XYLT1: variants seen among roughly 807,000 people sequenced by gnomAD.
XYLT1 encodes xylosyltransferase 1, also known as beta-D-xylosyltransferase 1.
Under a neutral mutation model 91.3 loss-of-function variants are expected in XYLT1, and 36 were observed. That is an observed-to-expected ratio of 0.39 (90% CI 0.30 to 0.52). XYLT1 has a LOEUF of 0.52. XYLT1 is among the 20% of genes least tolerant of loss of function. The pLI, the probability that XYLT1 is intolerant of heterozygous loss-of-function variation, is 0.68. For synonymous variants in XYLT1, 588 were observed against 532.0 expected, an observed-to-expected ratio of 1.11 and a Z score of -1.45; for missense variants, 1,242 against 1,284.5, an observed-to-expected ratio of 0.97 and a Z score of 0.51.
At chr16:17,158,632 C>A (rs2031473711) in intron 6 of XYLT1, among the ~76,000 whole-genome samples, 197 bp downstream of exon 6, 1 of 152,172 alleles carries the variant, frequency 6.6e-6, no homozygotes, top group African/African-American at 2.4e-5. Flanking sequence ...TGAGAAACAT[C>A]TATGGTTATC....
chr16:17,192,092 CTTTT>C (rs550488299), intron 5 of XYLT1, among the ~76,000 whole-genome samples: 3 of 126,786 alleles, frequency 2.4e-5, no homozygotes, highest in Non-Finnish European at 3.3e-5. Flanking sequence ...CTCTCTCTCT[CTTTT>C]TTTTTTTTTT....
intron 3 of XYLT1, chr16:17,249,530 G>A (rs927146435): frequency 1.3e-5 from 2 of 152,206 alleles, no homozygotes; most frequent in Admixed American, 6.5e-5. Flanking sequence ...ATGAATAAAG[G>A]AATTCAGCAT....
At chr16:17,435,536 C>T (rs941702276) in intron 1 of XYLT1, among the ~76,000 whole-genome samples, 2 of 152,162 alleles carry the variant, frequency 1.3e-5, no homozygotes, top group African/African-American at 2.4e-5. Context: ...GGCTCTGTCC[C>T]TGCCTGAAGG....
Position 17,259,343 on chromosome 16 carries a change from C to A in XYLT1, c.558G>T (p.Pro186=). The A allele has an allele frequency of 6.2e-7, 1 of 1,614,170 alleles. No homozygotes were observed. The highest frequency in any genetic ancestry group is 8.5e-7 in the Non-Finnish European group (1 of 1,180,032). ...TTTTCAAAAGCTCCTTCTGTCTACT[C>A]GGTGGCTTCTTCGCCAACTCAGGCT... ...KHQPELAKKP[P]SRQKELLKRK... is the part of the protein sequence containing the mutation. The change falls in exon 3 of 12, where the codon CCG becomes CCT. Residue 186 remains proline, a synonymous_variant. Transcript: ENST00000261381.
At chr16:17,367,405 T>A (rs1163387540) in intron 1 of XYLT1, among the ~76,000 whole-genome samples, 1 of 152,160 alleles carries the variant, frequency 6.6e-6, no homozygotes, top group Non-Finnish European at 1.5e-5. Context: ...ACACGCCACA[T>A]CTATAATTCA....
intron 5 of XYLT1, among the ~76,000 whole-genome samples, chr16:17,163,765 A>G (rs1170041246): frequency 3.9e-5 from 6 of 152,146 alleles, no homozygotes; most frequent in Non-Finnish European, 8.8e-5. Flanking sequence ...CACACATGAA[A>G]GACTATGGGG....
intron 2 of XYLT1, among the ~76,000 whole-genome samples, chr16:17,314,741 ATAATTATGAT>A: frequency 6.6e-6 from 1 of 152,230 alleles, no homozygotes; most frequent in Admixed American, 6.5e-5. Flanking sequence ...AGCTAACAGA[ATAATTATGAT>A]TAACATTAGA....
intron 10 of XYLT1, among the ~76,000 whole-genome samples, chr16:17,125,349 A>G (rs1474817894): frequency 1.3e-5 from 2 of 152,134 alleles, no homozygotes; most frequent in Non-Finnish European, 2.9e-5. Flanking sequence ...CTTGCCTCCT[A>G]TCCGCCATTT....
At chr16:17,198,483 C>A in intron 4 of XYLT1, 69 bp from the exon 5 acceptor site, 1 of 1,482,604 alleles carries the variant, frequency 6.7e-7, no homozygotes. Flanking sequence ...CCCCTCACCC[C>A]TGTCCCCTCT....
intron 3 of XYLT1, among the ~76,000 whole-genome samples, chr16:17,252,758 G>C (rs549755870): frequency 6.1e-4 from 93 of 152,190 alleles, no homozygotes; most frequent in African/African-American, 2.2e-3. Context: ...AGGAGGAGTG[G>C]GGGCGCTGTA....
In XYLT1 at chr16:17,108,973, T is replaced by C; in HGVS notation, c.2602A>G (p.Met868Val). The change falls in exon 12 of 12, where the codon ATG becomes GTG. Residue 868 changes from methionine (M) to valine (V), a missense_variant. By Grantham distance (21) the Met-to-Val change is conservative. Around this residue, in one of 3 missense-constraint regions of XYLT1, gnomAD observed 511 missense variants for 497.0 expected, o/e 1.03. Coordinates refer to ENST00000261381, the MANE Select transcript of XYLT1 (RefSeq NM_022166.4). Reference sequence around the variant, plus strand: ...TTTAGGCTCTGGAAGCTCTGCTCCATGTAGGCATTGCGGAGGGGCCCATTG... The same window carrying C: ...TTTAGGCTCTGGAAGCTCTGCTCCACGTAGGCATTGCGGAGGGGCCCATTG... ...LHNGPLRNAYMEQSFQSLNPV... is the reference protein window; with the variant it reads ...LHNGPLRNAYVEQSFQSLNPV... 6.4e-7 allele frequency: 1 copy of C among 1,564,540 alleles called. No individual in the cohort carries two copies. The highest frequency in any genetic ancestry group is 1.2e-5 in the South Asian group (1 of 84,150).
intron 3 of XYLT1, among the ~76,000 whole-genome samples, chr16:17,243,218 A>T (rs571577114): frequency 3.9e-5 from 6 of 152,338 alleles, no homozygotes; most frequent in African/African-American, 1.2e-4. Context: ...TCCTCACAAC[A>T]GCCCTACAAG....
intron 3 of XYLT1, among the ~76,000 whole-genome samples, chr16:17,202,855 C>T (rs1297283407): frequency 6.6e-6 from 1 of 151,916 alleles, no homozygotes; most frequent in East Asian, 1.9e-4. Context: ...GTATCTGACA[C>T]ACATCTGGTT....
At chr16:17,395,533 A>G (rs1018024553) in intron 1 of XYLT1, among the ~76,000 whole-genome samples, 3 of 152,306 alleles carry the variant, frequency 2.0e-5, no homozygotes, top group Non-Finnish European at 4.4e-5. Flanking sequence ...ATAATCACAT[A>G]AAACAAAGCA....
chr16:17,383,994 T>C (rs113076968), intron 1 of XYLT1, among the ~76,000 whole-genome samples: 2,278 of 151,928 alleles, frequency 0.015, 66 homozygotes, highest in African/African-American at 0.052. Context: ...GTGATCTGCC[T>C]GCCTCCACCT....
Position 17,198,203 on chromosome 16 carries a change from C to T in XYLT1, c.1289+9G>A. On this transcript the variant is annotated intron_variant, in intron 5 of 11. Transcript: ENST00000261381. ...GACAAGACTGGCTTGGGGCCCTTGG[C>T]TGCCTTACCTGATGGGGTAGTCGGC... 6.2e-7 allele frequency: 1 copy of T among 1,613,858 alleles called. No homozygotes were observed. Among genetic ancestry groups the T allele is most frequent in the Non-Finnish European group, 8.5e-7 (1 of 1,179,916 alleles).
chr16:17,209,147 T>C (rs1351171417), intron 3 of XYLT1, among the ~76,000 whole-genome samples: 3 of 152,240 alleles, frequency 2.0e-5, no homozygotes, highest in Non-Finnish European at 4.4e-5. Context: ...TTCTATCCAT[T>C]GAACAATAAC....
At chr16:17,216,942 T>C (rs1395861594) in intron 3 of XYLT1, among the ~76,000 whole-genome samples, 1 of 152,228 alleles carries the variant, frequency 6.6e-6, no homozygotes, top group Non-Finnish European at 1.5e-5. Context: ...ACACAACATT[T>C]GGTTTTGCTC....
chr16:17,146,863 A>G (rs2031146212), intron 6 of XYLT1, among the ~76,000 whole-genome samples: 1 of 152,186 alleles, frequency 6.6e-6, no homozygotes, highest in Admixed American at 6.5e-5. Flanking sequence ...CAAGGGTAGA[A>G]CCAATCAAAA....
Sources: gnomAD v4.1 joint callset for allele counts (sites outside exome capture counted in the v4.1 genomes callset) on GRCh38, gnomAD v4.1.1 for gene constraint, gnomAD v4.1.1 regional missense constraint, MANE v1.5 for transcripts, NCBI Gene and HGNC (gene_info 2026-07-23, HGNC 2026-07-21) for gene names.